Variants in CTNNA3 observed in about 807,000 individuals in gnomAD.
The protein encoded by CTNNA3 is catenin alpha 3, also known as catenin alpha-3.
CTNNA3 carries 76 observed loss-of-function variants against 95.7 expected under a neutral mutation model. That is an observed-to-expected ratio of 0.79 (90% CI 0.66 to 0.96). The LOEUF is 0.96. Ranked by LOEUF, CTNNA3 falls within the 40% of genes least tolerant of loss-of-function variation. The probability of loss-of-function intolerance (pLI) is 0.00; values close to 1 mark genes in which losing one functional copy is unlikely to be tolerated. For synonymous variants in CTNNA3, 431 were observed against 374.4 expected, an observed-to-expected ratio of 1.15 and a Z score of -1.74; for missense variants, 1,191 against 1,089.8, an observed-to-expected ratio of 1.09 and a Z score of -1.31.
chr10:66,325,291 G>C lies in CTNNA3; in HGVS notation c.1733-44670C>G, dbSNP rs75660777. 9.1e-3 allele frequency among the ~76,000 whole-genome samples: 1,381 copies of C among 152,042 alleles called. 19 individuals carry two copies. Among genetic ancestry groups the C allele is most frequent in the African/African-American group, 0.032 (1,313 of 41,486 alleles). On this transcript the variant is annotated intron_variant, in intron 12 of 17. Coordinates refer to ENST00000433211, the MANE Select transcript of CTNNA3 (RefSeq NM_013266.4). ...AAAAAGAAACATTAAAAATGTGCTG[G>C]GTACCTTCTATGTGCAAAACTTTGA...
intron 1 of CTNNA3, among the ~76,000 whole-genome samples, chr10:67,664,441 G>A (rs552872746): frequency 6.6e-6 from 1 of 152,152 alleles, no homozygotes; most frequent in Admixed American, 6.5e-5. Context: ...CCTCATTCCA[G>A]ACTGCCACCA....
chr10:67,315,739 T>C (rs1285181539), intron 5 of CTNNA3, among the ~76,000 whole-genome samples: 1 of 152,098 alleles, frequency 6.6e-6, no homozygotes, highest in African/African-American at 2.4e-5. Context: ...ACAAAAAATG[T>C]ACTAAATCAA....
In CTNNA3 at chr10:66,668,685, G is replaced by A. The variant is rs568781302; in HGVS notation, c.1282-46901C>T. 4.6e-5 allele frequency among the ~76,000 whole-genome samples: 7 copies of A among 152,046 alleles called. No homozygotes were observed. In the South Asian group the frequency reaches 6.2e-4, roughly 14 times the overall value. ...AAATTAACCGGGTGTGGTGGTGCAC[G>A]TCTGTAATCCCAGCTATTTGGGAGG... On this transcript the variant is annotated intron_variant, in intron 9 of 17. Transcript: ENST00000433211.
In CTNNA3 at chr10:66,222,595, A is replaced by AGAAT. The variant is rs2089001766; in HGVS notation, c.1884+57874_1884+57875insATTC. ...GAAAGAAAGAAGGAAAGAAAAAGAA[A>AGAAT]GAACGAAAGAAAGAAAGAAAGAAAG... On this transcript the variant is annotated intron_variant, in intron 13 of 17. Coordinates refer to ENST00000433211, the MANE Select transcript of CTNNA3 (RefSeq NM_013266.4). Among the ~76,000 whole-genome samples, 21 of 145,096 alleles carry AGAAT rather than the reference A, an allele frequency of 1.4e-4. 1 individual carries two copies. In the South Asian group the frequency reaches 4.7e-3, roughly 32 times the overall value.
intron 2 of CTNNA3, among the ~76,000 whole-genome samples, chr10:67,618,427 A>G (rs1281300608): frequency 6.6e-6 from 1 of 152,226 alleles, no homozygotes; most frequent in East Asian, 1.9e-4. Flanking sequence ...CCATAAATTG[A>G]ATAAACTATG....
chr10:67,632,664 A>C (rs1237699782), intron 2 of CTNNA3, among the ~76,000 whole-genome samples: 1 of 152,104 alleles, frequency 6.6e-6, no homozygotes, highest in African/African-American at 2.4e-5. Flanking sequence ...TTTCCCACGG[A>C]TCTTTGTAAT....
intron 13 of CTNNA3, among the ~76,000 whole-genome samples, chr10:66,182,545 G>A (rs897145796): frequency 4.6e-5 from 7 of 152,176 alleles, no homozygotes; most frequent in South Asian, 2.1e-4. Flanking sequence ...GTGAGCCACC[G>A]CGCCCGGCCG....
At chr10:67,354,757 T>G (rs1842754181) in intron 5 of CTNNA3, among the ~76,000 whole-genome samples, 1 of 152,046 alleles carries the variant, frequency 6.6e-6, no homozygotes, top group South Asian at 2.1e-4. Context: ...AGTTATGGTT[T>G]TTCTTTAAAA....
chr10:67,327,065 G>C (rs1339028465), intron 5 of CTNNA3, among the ~76,000 whole-genome samples: 1 of 152,116 alleles, frequency 6.6e-6, no homozygotes, highest in Non-Finnish European at 1.5e-5. Flanking sequence ...GTGTTTTTCA[G>C]CTCTATCAGG....
At chr10:67,313,782 C>A (rs558019930) in intron 5 of CTNNA3, among the ~76,000 whole-genome samples, 9 of 152,250 alleles carry the variant, frequency 5.9e-5, no homozygotes, top group African/African-American at 2.2e-4. Flanking sequence ...AAGACTTATG[C>A]ATCAATTAGA....
intron 5 of CTNNA3, among the ~76,000 whole-genome samples, chr10:67,220,657 A>G (rs1050584833): frequency 6.6e-6 from 1 of 152,254 alleles, no homozygotes; most frequent in Non-Finnish European, 1.5e-5. Flanking sequence ...ATTTCTTCAG[A>G]GATGACAATT....
At chr10:66,838,761 C>T (rs779325462) in intron 7 of CTNNA3, among the ~76,000 whole-genome samples, 5 of 152,258 alleles carry the variant, frequency 3.3e-5, no homozygotes, top group African/African-American at 4.8e-5. Flanking sequence ...ACATTGAATG[C>T]ATTGATGTAG....
intron 13 of CTNNA3, among the ~76,000 whole-genome samples, chr10:66,221,384 G>T (rs1218111871): frequency 6.6e-6 from 1 of 152,300 alleles, no homozygotes; most frequent in Middle Eastern, 3.4e-3. Context: ...GTGATATGTG[G>T]TCATGTTAGC....
chr10:66,531,068 T>A (rs1426130974), intron 10 of CTNNA3, among the ~76,000 whole-genome samples: 1 of 151,978 alleles, frequency 6.6e-6, no homozygotes, highest in African/African-American at 2.4e-5. Flanking sequence ...CACATGAAAA[T>A]CAAAACATTT....
chr10:67,454,096 T>C (rs1454338187), intron 5 of CTNNA3, among the ~76,000 whole-genome samples: 1 of 152,192 alleles, frequency 6.6e-6, no homozygotes, highest in Non-Finnish European at 1.5e-5. Context: ...AAAACATTCA[T>C]TTCTTTATCA....
At chr10:67,524,715 C>T (rs983378598) in intron 4 of CTNNA3, among the ~76,000 whole-genome samples, 2 of 152,064 alleles carry the variant, frequency 1.3e-5, no homozygotes, top group African/African-American at 4.8e-5. Context: ...CATATGAAAG[C>T]TGTGGTATAG....
intron 5 of CTNNA3, among the ~76,000 whole-genome samples, chr10:67,270,735 T>C (rs1030546145): frequency 1.3e-5 from 2 of 152,200 alleles, no homozygotes; most frequent in Non-Finnish European, 2.9e-5. Flanking sequence ...TTAAAGTCAA[T>C]ACAAGAGAGT....
chr10:66,309,938 TAAATAAATAAATAA>T (rs1333944693), intron 12 of CTNNA3, among the ~76,000 whole-genome samples: 8 of 116,374 alleles, frequency 6.9e-5, no homozygotes, highest in African/African-American at 2.6e-4. Flanking sequence ...AATAAATAAA[TAAATAAATAAATAA>T]ATAAAATAAA....
chr10:66,715,840 T>G (rs1039855737), intron 9 of CTNNA3, among the ~76,000 whole-genome samples: 2 of 152,068 alleles, frequency 1.3e-5, no homozygotes, highest in African/African-American at 4.8e-5. Context: ...CCAAAGGATT[T>G]AAAATAAAAT....
Sources: gnomAD v4.1 joint callset for allele counts (sites outside exome capture counted in the v4.1 genomes callset) on GRCh38, gnomAD v4.1.1 for gene constraint, MANE v1.5 for transcripts, NCBI Gene and HGNC (gene_info 2026-07-23, HGNC 2026-07-21) for gene names.